The following TRAF6 variants were observed in gnomAD, a reference collection of about 807,000 sequenced individuals.
The protein encoded by TRAF6 is TNF receptor-associated factor 6.
A neutral mutation model predicts 48.4 loss-of-function variants in TRAF6; 10 were observed. That is an observed-to-expected ratio of 0.21 (90% CI 0.13 to 0.35). The LOEUF (loss-of-function observed/expected upper bound fraction) is 0.35. Ranked by LOEUF, TRAF6 falls within the 10% of genes least tolerant of loss-of-function variation. The pLI is 1.00. For synonymous variants in TRAF6, 186 were observed against 219.6 expected (o/e 0.85, Z 1.35); for missense variants, 397 against 661.0 (o/e 0.60, Z 4.38).
chr11:36,493,156 T>A (rs1859586392), intron 5 of TRAF6, among the ~76,000 whole-genome samples: 1 of 152,198 alleles, frequency 6.6e-6, no homozygotes, highest in South Asian at 2.1e-4. Context: ...AGAAGGTACT[T>A]TAAACACATT....
chr11:36,498,273 C>T lies in TRAF6; in HGVS notation c.447+217G>A, dbSNP rs1203832657. Among the ~76,000 whole-genome samples the T allele has an allele frequency of 2.0e-5, 3 of 152,184 alleles. No individual in the cohort carries two copies. In the East Asian group the frequency reaches 5.8e-4, roughly 29 times the overall value. On this transcript the variant is annotated intron_variant, in intron 3 of 6. Coordinates refer to ENST00000526995, the MANE Select transcript of TRAF6 (RefSeq NM_004620.4). ...CAATACTGATTTTTTAAAAAAATTA[C>T]TGCTGGGCAAAGCCAGAGTAGATAA...
chr11:36,507,099 G>GTAAA (rs1859796385), intron 1 of TRAF6, among the ~76,000 whole-genome samples: 1 of 149,024 alleles, frequency 6.7e-6, no homozygotes, highest in African/African-American at 2.5e-5. Context: ...ATGTATATAC[G>GTAAA]TGTATATATG....
chr11:36,492,649 T>C (rs778391103), intron 5 of TRAF6, 21 bp from the exon 6 acceptor site: 6 of 1,564,312 alleles, frequency 3.8e-6, no homozygotes, highest in Non-Finnish European at 5.2e-6. Flanking sequence ...AAACAAAGGC[T>C]GAAAAATCTC....
rs1406125542 is a variant in TRAF6 at position 36,483,952 on chromosome 11, C to T, written c.*5886G>A. 4.6e-5 allele frequency among the ~76,000 whole-genome samples: 7 copies of T among 152,134 alleles called. No homozygotes were observed. The highest frequency in any genetic ancestry group is 3.9e-4 in the Admixed American group (6 of 15,264). On this transcript the variant is annotated 3_prime_UTR_variant, in exon 7 of 7. Transcript: ENST00000526995. ...GAACACTTTTGGTCATACCTTGCAA[C>T]CAGTACTGAGACATGACATAAAGTT... is the stretch of plus-strand genomic sequence containing the variant.
Position 36,484,501 on chromosome 11 carries a change from G to C in TRAF6, c.*5337C>G, listed in dbSNP as rs1332124195. On this transcript the variant is annotated 3_prime_UTR_variant, in exon 7 of 7. Coordinates refer to ENST00000526995, the MANE Select transcript of TRAF6 (RefSeq NM_004620.4). ...TCCACAGCTTGTCATACAGTTTACA[G>C]AATTATGAGAATCCTCCCTGGATTC... Among the ~76,000 whole-genome samples, 7 of 152,194 alleles carry C rather than the reference G, an allele frequency of 4.6e-5. No individual in the cohort carries two copies. The highest frequency in any genetic ancestry group is 8.8e-5 in the Non-Finnish European group (6 of 68,044).
intron 4 of TRAF6, 39 bp from the exon 5 acceptor site, chr11:36,495,086 T>A: frequency 3.4e-6 from 5 of 1,474,294 alleles, no homozygotes; most frequent in Non-Finnish European, 4.7e-6. Context: ...AGCATGAGAA[T>A]ATCTGAAAAA....
chr11:36,501,572 G>A, intron 1 of TRAF6, 35 bp from the exon 2 acceptor site: 1 of 1,467,708 alleles, frequency 6.8e-7, no homozygotes, highest in South Asian at 1.3e-5. Context: ...GCCTTTATAA[G>A]TAACACACAC....
Position 36,490,320 on chromosome 11 carries a change from G to A in TRAF6, c.1087C>T (p.His363Tyr), listed in dbSNP as rs1447813072. Residue 363 changes from histidine to tyrosine, a missense_variant, in exon 7 of 7, where the codon CAT becomes TAT. His to Tyr is a moderately conservative substitution (Grantham distance 83). This residue lies in a region of TRAF6 where 245 missense variants were observed against 349.1 expected (regional missense o/e 0.70). Transcript: ENST00000526995. This position sits in a 1 kb window ranked among gnomAD's most constrained non-coding sequence, Gnocchi z 6.4. ...YIWKIGNFGM[H>Y]LKCQEEEKPV... The stretch of plus-strand genomic sequence containing the variant: ...TTCTCCTCTTCTTGACATTTCAAAT[G>A]CATTCCAAAGTTGCCAATCTTCCAA... The A allele has an allele frequency of 6.2e-7, 1 of 1,614,200 alleles. No individual in the cohort carries two copies. Among genetic ancestry groups the A allele is most frequent in the East Asian group, 2.2e-5 (1 of 44,888 alleles).
At chr11:36,497,823 G>A (rs933628443) in intron 3 of TRAF6, among the ~76,000 whole-genome samples, 2 of 151,156 alleles carry the variant, frequency 1.3e-5, no homozygotes, top group South Asian at 2.1e-4. Flanking sequence ...GATTACTTGG[G>A]AATTACTGCT....
At chr11:36,503,159 A>T in intron 1 of TRAF6, among the ~76,000 whole-genome samples, 1 of 152,130 alleles carries the variant, frequency 6.6e-6, no homozygotes, top group East Asian at 1.9e-4. Context: ...CTGCATTTAA[A>T]ATTTATTTGC....
chr11:36,487,838 T>G lies in TRAF6; in HGVS notation c.*2000A>C, dbSNP rs986493451. 1 of 152,210 alleles carries G rather than the reference T, an allele frequency of 6.6e-6. No homozygotes were observed. Among genetic ancestry groups the G allele is most frequent in the African/African-American group, 2.4e-5 (1 of 41,444 alleles). The allele number at this position is 152,210 out of a possible 1,614,324, so 9.4% of individuals were successfully genotyped here. On this transcript the variant is annotated 3_prime_UTR_variant, in exon 7 of 7. Transcript: ENST00000526995. ...TAATAGAAATCTGACCAGGAAGCTT[T>G]TAAATATCATTTCCTTTTTTGAGCT... is the stretch of plus-strand genomic sequence containing the variant.
rs1362213126 is a variant in TRAF6, at chr11:36,492,642, C to A, written c.679-14G>T. 1.9e-6 allele frequency: 3 copies of A among 1,590,392 alleles called. No homozygotes were observed. The African/African-American group carries it at 4.1e-5, about 22-fold the overall frequency. ...ATGATTAGGCATCTGAAATCCAAAACAAAGGCTGAAAAATCTCTTCCTTGC... is the reference window on the plus strand; with the variant it reads ...ATGATTAGGCATCTGAAATCCAAAAAAAAGGCTGAAAAATCTCTTCCTTGC... On this transcript the variant is annotated splice_polypyrimidine_tract_variant and intron_variant, in intron 5 of 6. Transcript: ENST00000526995.
Position 36,484,666 on chromosome 11 carries a change from A to G in TRAF6, c.*5172T>C, listed in dbSNP as rs7116687. 0.017 allele frequency among the ~76,000 whole-genome samples: 2,593 copies of G among 152,320 alleles called. 68 individuals are homozygous for G. The highest frequency in any genetic ancestry group is 0.054 in the African/African-American group (2,257 of 41,560). On this transcript the variant is annotated 3_prime_UTR_variant, in exon 7 of 7. Transcript: ENST00000526995. The stretch of plus-strand genomic sequence containing the variant: ...TTGACCCATGGTCAGTCAGGAGAAA[A>G]TGTGTCTTAGCTCCTAATTTAGTGA...
At chr11:36,509,005 C>T (rs1859854277) in intron 1 of TRAF6, among the ~76,000 whole-genome samples, 1 of 152,222 alleles carries the variant, frequency 6.6e-6, no homozygotes, top group African/African-American at 2.4e-5. Flanking sequence ...ATGCCGGACT[C>T]CTTCCTAGAG....
Position 36,501,547 on chromosome 11 carries a change from T to C in TRAF6, c.-22-10A>G, listed in dbSNP as rs369289378. ...TTGATTATCACTTGCTCTGTAGAAA[T>C]AGCAAGAAAAAAATGCCTTTATAAG... is the stretch of plus-strand genomic sequence containing the variant. On this transcript the variant is annotated splice_polypyrimidine_tract_variant and intron_variant, in intron 1 of 6. Coordinates refer to ENST00000526995, the MANE Select transcript of TRAF6 (RefSeq NM_004620.4). 2.1e-4 allele frequency: 323 copies of C among 1,544,716 alleles called. No homozygotes were observed. The highest frequency in any genetic ancestry group is 2.5e-4 in the Non-Finnish European group (291 of 1,145,770).
rs1185205326 is a variant in TRAF6 at position 36,488,918 on chromosome 11, G to C, written c.*920C>G. ...ACATAGCTTCTGTCACCACCAATGA[G>C]ATGCCACATGCGCTGACTACTTGGG... On this transcript the variant is annotated 3_prime_UTR_variant, in exon 7 of 7. Transcript: ENST00000526995. The C allele has an allele frequency of 6.6e-6, 1 of 152,228 alleles. No homozygotes were observed. The highest frequency in any genetic ancestry group is 2.1e-4 in the South Asian group (1 of 4,836). The allele number at this position is 152,228 out of a possible 1,614,324, so 9.4% of individuals were successfully genotyped here. A position where few individuals can be genotyped will look rare whatever the true frequency, so the allele number is the denominator to read the frequency against.
chr11:36,498,713 A>T (rs1045126415), intron 2 of TRAF6, 73 bp from the exon 3 acceptor site: 23 of 1,440,132 alleles, frequency 1.6e-5, no homozygotes, highest in Middle Eastern at 3.6e-4. Flanking sequence ...TTAATTCACC[A>T]TATATAAATT....
rs978581209 is a variant in TRAF6, at chr11:36,487,808, G to C, written c.*2030C>G. On this transcript the variant is annotated 3_prime_UTR_variant, in exon 7 of 7. Coordinates refer to ENST00000526995, the MANE Select transcript of TRAF6 (RefSeq NM_004620.4). Reference sequence around the variant, plus strand: ...TCTTTGTATCTAATGCACAGCCAGTGCTTTTAATAGAAATCTGACCAGGAA... The same window carrying C: ...TCTTTGTATCTAATGCACAGCCAGTCCTTTTAATAGAAATCTGACCAGGAA... The C allele has an allele frequency of 6.6e-6, 1 of 152,086 alleles. No individual in the cohort carries two copies. Among genetic ancestry groups the C allele is most frequent in the Non-Finnish European group, 1.5e-5 (1 of 68,028 alleles). 9.4% of individuals were successfully genotyped at this position (152,086 alleles called of 1,614,324 possible). A position where few individuals can be genotyped will look rare whatever the true frequency, so the allele number is the denominator to read the frequency against.
intron 4 of TRAF6, among the ~76,000 whole-genome samples, chr11:36,495,249 T>C (rs1274278351): frequency 6.6e-6 from 1 of 152,224 alleles, no homozygotes; most frequent in Non-Finnish European, 1.5e-5. Flanking sequence ...TCATTCAACT[T>C]TCCAGCTCTT....
Sources: allele counts gnomAD v4.1 joint callset (sites outside exome capture counted in the v4.1 genomes callset), GRCh38; gene constraint gnomAD v4.1.1; regional missense constraint gnomAD v4.1.1; non-coding constraint Gnocchi (gnomAD v3.1); transcripts MANE v1.5; gene names NCBI Gene and HGNC (gene_info 2026-07-23, HGNC 2026-07-21).